Variants in SLC1A7 observed in about 807,000 individuals in gnomAD.
The protein encoded by SLC1A7 is excitatory amino acid transporter 5.
SLC1A7 carries 40 observed loss-of-function variants against 47.7 expected under a neutral mutation model. The observed-to-expected ratio is 0.84, with a 90% CI of 0.65 to 1.09. The LOEUF is 1.09. Ranked by LOEUF, SLC1A7 falls within the 50% of genes least tolerant of loss-of-function variation. The probability of loss-of-function intolerance (pLI) is 0.00; values close to 1 mark genes in which losing one functional copy is unlikely to be tolerated. For missense variants in SLC1A7, 746 were observed against 769.5 expected, an observed-to-expected ratio of 0.97 and a Z score of 0.36; for synonymous variants, 323 against 325.6, an observed-to-expected ratio of 0.99 and a Z score of 0.09.
chr1:53,136,666 ATTTTT>A (rs58852734), intron 1 of SLC1A7, among the ~76,000 whole-genome samples: 213 of 105,390 alleles, frequency 2.0e-3, no homozygotes, highest in East Asian at 3.1e-3. Context: ...ATATATATAT[ATTTTT>A]TTTTTTTTTT....
At chr1:53,121,578 C>A (rs1268972493) in intron 2 of SLC1A7, among the ~76,000 whole-genome samples, 1 of 152,220 alleles carries the variant, frequency 6.6e-6, no homozygotes, top group Non-Finnish European at 1.5e-5. Flanking sequence ...GCATGTGGAG[C>A]AGATTTGTAG....
At chr1:53,090,983 C>A in intron 7 of SLC1A7, 177 bp from the exon 8 acceptor site, 1 of 1,482,716 alleles carries the variant, frequency 6.7e-7, no homozygotes, top group Non-Finnish European at 9.0e-7. Context: ...CTTGGTTCTT[C>A]CTATGAGGGA....
chr1:53,120,119 T>G (rs969844233), intron 2 of SLC1A7, among the ~76,000 whole-genome samples: 1 of 152,048 alleles, frequency 6.6e-6, no homozygotes, highest in Non-Finnish European at 1.5e-5. Context: ...CCTGTCTCAA[T>G]CTGGTAATTG....
chr1:53,101,627 C>T (rs1644582632), intron 5 of SLC1A7, among the ~76,000 whole-genome samples: 1 of 151,578 alleles, frequency 6.6e-6, no homozygotes, highest in Admixed American at 6.6e-5. Flanking sequence ...CACCTCAGTA[C>T]ACTCACACAC....
At chr1:53,112,536 G>A (rs1350066356) in intron 3 of SLC1A7, among the ~76,000 whole-genome samples, 1 of 152,234 alleles carries the variant, frequency 6.6e-6, no homozygotes, top group East Asian at 1.9e-4. Context: ...GGGAGCCTGT[G>A]TATGGGCATC....
chr1:53,129,820 G>A lies in SLC1A7; in HGVS notation c.215+4530C>T, dbSNP rs562585139. Among the ~76,000 whole-genome samples the A allele has an allele frequency of 1.1e-4, 13 of 121,948 alleles. 2 individuals are homozygous for A. The highest frequency in any genetic ancestry group is 2.6e-4 in the Admixed American group (3 of 11,756). The allele number at this position is 121,948 out of a possible 152,430, so 80.0% of individuals were successfully genotyped here. A position where few individuals can be genotyped will look rare whatever the true frequency, so the allele number is the denominator to read the frequency against. On this transcript the variant is annotated intron_variant, in intron 2 of 10. Coordinates refer to ENST00000371494, the MANE Select transcript of SLC1A7 (RefSeq NM_006671.6). ...TCCAACTTCTGAACGAATCTGTCAC[G>A]CTGAGTACCAGGCAGAGGTCAGTGT...
At chr1:53,104,032 T>C (rs531726172) in intron 4 of SLC1A7, among the ~76,000 whole-genome samples, 2 of 152,140 alleles carry the variant, frequency 1.3e-5, no homozygotes. Flanking sequence ...ATGAAGCCCA[T>C]GCACAAGAAA....
Position 53,136,085 on chromosome 1 carries a change from A to G in SLC1A7, c.136-1656T>C, listed in dbSNP as rs960051837. On this transcript the variant is annotated intron_variant, in intron 1 of 10. Coordinates refer to ENST00000371494, the MANE Select transcript of SLC1A7 (RefSeq NM_006671.6). Reference sequence around the variant, plus strand: ...ACCGCAGCACAGGACCAGGACTGCTAACATTTCCAATGCACCAGAAAATCT... The same window carrying G: ...ACCGCAGCACAGGACCAGGACTGCTGACATTTCCAATGCACCAGAAAATCT... Among the ~76,000 whole-genome samples, 7 of 151,666 alleles carry G rather than the reference A, an allele frequency of 4.6e-5. No homozygotes were observed. In the South Asian group the frequency reaches 8.3e-4, roughly 18 times the overall value.
chr1:53,114,638 AGGG>A lies in SLC1A7; in HGVS notation c.431+117_431+119del, dbSNP rs1301177710. On this transcript the variant is annotated intron_variant, in intron 3 of 10. Coordinates refer to ENST00000371494, the MANE Select transcript of SLC1A7 (RefSeq NM_006671.6). ...CGGGCAGCCCAGAGCTCAACCCACC[AGGG>A]TGATCATGGACTCCGTGATCACCCC... 7 of 824,984 alleles carry A rather than the reference AGGG, an allele frequency of 8.5e-6. No homozygotes were observed. In the African/African-American group the frequency reaches 1.2e-4, roughly 14 times the overall value. 51.1% of individuals were successfully genotyped at this position (824,984 alleles called of 1,614,324 possible).
At chr1:53,129,456 T>TGCCGC (rs775104221) in intron 2 of SLC1A7, among the ~76,000 whole-genome samples, 2 of 123,780 alleles carry the variant, frequency 1.6e-5, no homozygotes, top group African/African-American at 2.8e-5. Context: ...CCCCGCCACA[T>TGCCGC]TGTGACAGAT....
rs766963344 is a variant in SLC1A7 at position 53,114,853 on chromosome 1, G to C, written c.336C>G (p.Ser112=). The part of the protein sequence containing the change: ...MAVIVGIFMV[S]IIHPGSAAQK... The stretch of plus-strand genomic sequence containing the variant: ...GGGCCGCGCTGCCTGGGTGGATGAT[G>C]GAGACCATGAAGATGCCCACGATGA... Residue 112 remains serine (S), a synonymous_variant, in exon 3 of 11, where the codon TCC becomes TCG. Transcript: ENST00000371494. 2 of 1,614,212 alleles carry C rather than the reference G, an allele frequency of 1.2e-6. No homozygotes were observed. Among genetic ancestry groups the C allele is most frequent in the Non-Finnish European group, 1.7e-6 (2 of 1,180,020 alleles).
rs139150532 is a variant in SLC1A7 at position 53,103,391 on chromosome 1, C to T, written c.652G>A (p.Asp218Asn). ...ACGATGCCCAGCACATTCATGCCAT[C>T]GCTGGTGCCCGGCTCTGACTTGTAA... Reference protein sequence around the residue: ...VVYKSEPGTSDGMNVLGIVFF... With the variant: ...VVYKSEPGTSNGMNVLGIVFF... Residue 218 changes from aspartate (D) to asparagine (N), a missense_variant, in exon 5 of 11, where the codon GAT becomes AAT. Transcript: ENST00000371494. The T allele has an allele frequency of 2.5e-5, 41 of 1,610,218 alleles. 1 individual carries two copies. The highest frequency in any genetic ancestry group is 8.0e-5 in the African/African-American group (6 of 74,880).
At position 53,129,931 on chromosome 1, in the gene SLC1A7, C is replaced by A. The variant is rs1009953433; in HGVS notation, c.215+4419G>T. 5.9e-4 allele frequency among the ~76,000 whole-genome samples: 56 copies of A among 94,730 alleles called. 7 individuals carry two copies. The highest frequency in any genetic ancestry group is 9.2e-4 in the Non-Finnish European group (39 of 42,294). 62.1% of individuals were successfully genotyped at this position (94,730 alleles called of 152,430 possible). On this transcript the variant is annotated intron_variant, in intron 2 of 10. Transcript: ENST00000371494. The stretch of plus-strand genomic sequence containing the variant: ...CACACGACCCTGCCCACGGAGGGGG[C>A]CATGCCGCTGGCCCGACCCCTTGAC...
At chr1:53,136,668 T>TATATA (rs1557693580) in intron 1 of SLC1A7, among the ~76,000 whole-genome samples, 142 of 4,934 alleles carry the variant, frequency 0.029, 4 homozygotes, top group African/African-American at 0.053. Context: ...ATATATATAT[T>TATATA]TTTTTTTTTT....
intron 1 of SLC1A7, among the ~76,000 whole-genome samples, chr1:53,139,359 G>A (rs2150348831): frequency 6.6e-6 from 1 of 152,304 alleles, no homozygotes; most frequent in Admixed American, 6.5e-5. Context: ...AACCGTGCTG[G>A]GGACCCCACT....
At chr1:53,097,471 G>A (rs565668254) in intron 5 of SLC1A7, among the ~76,000 whole-genome samples, 1 of 67,748 alleles carries the variant, frequency 1.5e-5, no homozygotes, top group African/African-American at 5.9e-5. Context: ...GGCACACTCA[G>A]AACCTGCCTC....
At position 53,088,895 on chromosome 1, in the gene SLC1A7, G is replaced by A. The variant is rs746319692; in HGVS notation, c.1446C>T (p.Ala482=). The A allele has an allele frequency of 6.2e-7, 1 of 1,613,886 alleles. No homozygotes were observed. The highest frequency in any genetic ancestry group is 8.5e-7 in the Non-Finnish European group (1 of 1,179,888). ...CTCTCACCTCGGTGCCTGTGTCCCG[G>A]GCAAAATCCTTCCGACATATATGGG... is the stretch of plus-strand genomic sequence containing the variant. The part of the protein sequence containing the change: ...IMAHICRKDF[A]RDTGTEKLLP... The change falls in exon 10 of 11, where the codon GCC becomes GCT. Residue 482 remains alanine (A), a synonymous_variant. Coordinates refer to ENST00000371494, the MANE Select transcript of SLC1A7 (RefSeq NM_006671.6).
intron 4 of SLC1A7, among the ~76,000 whole-genome samples, chr1:53,105,267 G>A (rs995061858): frequency 6.6e-6 from 1 of 152,080 alleles, no homozygotes; most frequent in Non-Finnish European, 1.5e-5. Context: ...CTTGTTAGGG[G>A]AAAAATGATT....
At chr1:53,092,852 G>C (rs563529899) in intron 6 of SLC1A7, 65 bp from the exon 7 acceptor site, 3 of 1,046,470 alleles carry the variant, frequency 2.9e-6, no homozygotes, top group African/African-American at 1.6e-5. Flanking sequence ...CCCCAGCCCC[G>C]CATCGCTGCG....
Sources: allele counts gnomAD v4.1 joint callset (sites outside exome capture counted in the v4.1 genomes callset), GRCh38; gene constraint gnomAD v4.1.1; transcripts MANE v1.5; gene names NCBI Gene and HGNC (gene_info 2026-07-23, HGNC 2026-07-21).